MACROD2: variants seen among roughly 807,000 people sequenced by gnomAD.
MACROD2 encodes ADP-ribose glycohydrolase MACROD2.
In MACROD2, 36 loss-of-function variants were observed where a neutral mutation model predicts 70.4. The ratio of observed to expected loss-of-function variants is 0.51; its 90% CI spans 0.39 to 0.68. MACROD2 has a LOEUF of 0.68. Among genes scored for constraint, MACROD2 ranks in the 30% least tolerant of loss-of-function variants. The probability of loss-of-function intolerance (pLI) is 0.00; values close to 1 mark genes in which losing one functional copy is unlikely to be tolerated. For synonymous variants in MACROD2, 172 were observed against 178.8 expected, an observed-to-expected ratio of 0.96 and a Z score of 0.30; for missense variants, 496 against 538.4, an observed-to-expected ratio of 0.92 and a Z score of 0.78.
At chr20:15,202,595 G>A (rs2076666153) in intron 5 of MACROD2, among the ~76,000 whole-genome samples, 1 of 152,078 alleles carries the variant, frequency 6.6e-6, no homozygotes, top group Non-Finnish European at 1.5e-5. Context: ...CATTAACCCA[G>A]GAAGAAGCAG....
At chr20:14,614,357 C>T (rs1308246833) in intron 4 of MACROD2, among the ~76,000 whole-genome samples, 2 of 152,090 alleles carry the variant, frequency 1.3e-5, no homozygotes, top group African/African-American at 4.8e-5. Context: ...GTTGGTGACA[C>T]ATTAGAATCA....
chr20:14,819,487 C>T (rs953442364), intron 5 of MACROD2, among the ~76,000 whole-genome samples: 2 of 151,878 alleles, frequency 1.3e-5, no homozygotes, highest in African/African-American at 4.8e-5. Flanking sequence ...CTTAGCTAGG[C>T]AATGTGAGTA....
intron 4 of MACROD2, among the ~76,000 whole-genome samples, chr20:14,672,505 G>A (rs1211273221): frequency 6.6e-6 from 1 of 152,192 alleles, no homozygotes; most frequent in Non-Finnish European, 1.5e-5. Flanking sequence ...AGGAGCTGCA[G>A]AGTCATATGG....
intron 6 of MACROD2, among the ~76,000 whole-genome samples, chr20:15,365,454 T>C (rs1600299505): frequency 6.6e-6 from 1 of 152,040 alleles, no homozygotes; most frequent in East Asian, 1.9e-4. Flanking sequence ...TCACGAGGTC[T>C]GGAGATTGAG....
chr20:14,997,238 C>G (rs2074957595), intron 5 of MACROD2, among the ~76,000 whole-genome samples: 1 of 152,126 alleles, frequency 6.6e-6, no homozygotes, highest in South Asian at 2.1e-4. Context: ...AATAAAGCAC[C>G]AGGCAGAGTC....
intron 6 of MACROD2, among the ~76,000 whole-genome samples, chr20:15,414,253 G>T (rs769235893): frequency 2.0e-5 from 3 of 152,094 alleles, no homozygotes; most frequent in African/African-American, 7.2e-5. Context: ...TAAAACTCTT[G>T]CTACTCAGAC....
chr20:14,132,057 G>T (rs1313492374), intron 3 of MACROD2, among the ~76,000 whole-genome samples: 1 of 151,130 alleles, frequency 6.6e-6, no homozygotes, highest in East Asian at 1.9e-4. Flanking sequence ...TGTGAACCCG[G>T]GAGGCGGAGC....
At chr20:15,740,329 G>T (rs2051085426) in intron 8 of MACROD2, among the ~76,000 whole-genome samples, 1 of 152,132 alleles carries the variant, frequency 6.6e-6, no homozygotes, top group Admixed American at 6.5e-5. Flanking sequence ...GGCAGTCTTT[G>T]TAACAGCCTA....
At chr20:15,702,652 T>A (rs2050476847) in intron 8 of MACROD2, among the ~76,000 whole-genome samples, 1 of 152,262 alleles carries the variant, frequency 6.6e-6, no homozygotes, top group South Asian at 2.1e-4. Flanking sequence ...TCTTTTACTG[T>A]CAAGAGGCTT....
chr20:14,338,390 G>A (rs892511851), intron 3 of MACROD2, among the ~76,000 whole-genome samples: 3 of 152,104 alleles, frequency 2.0e-5, no homozygotes, highest in Non-Finnish European at 2.9e-5. Context: ...ATATATACAC[G>A]TGTCACTGAT....
At chr20:15,309,978 G>C (rs2077735402) in intron 6 of MACROD2, among the ~76,000 whole-genome samples, 1 of 152,194 alleles carries the variant, frequency 6.6e-6, no homozygotes, top group African/African-American at 2.4e-5. Flanking sequence ...AAGCAGTAAG[G>C]ATAGTTAGGT....
chr20:15,044,424 C>A (rs2123034973), intron 5 of MACROD2, among the ~76,000 whole-genome samples: 1 of 152,262 alleles, frequency 6.6e-6, no homozygotes, highest in East Asian at 1.9e-4. Context: ...TCTCCCTTAA[C>A]ACACTCCTTC....
chr20:15,152,761 A>G (rs1256265312), intron 5 of MACROD2, among the ~76,000 whole-genome samples: 4 of 152,066 alleles, frequency 2.6e-5, no homozygotes, highest in Non-Finnish European at 5.9e-5. Context: ...ACCTGGGTGA[A>G]TAATCAGAGA....
At chr20:15,644,816 A>G (rs1302211347) in intron 8 of MACROD2, among the ~76,000 whole-genome samples, 1 of 152,098 alleles carries the variant, frequency 6.6e-6, no homozygotes, top group Non-Finnish European at 1.5e-5. Flanking sequence ...CAGCCTCCCA[A>G]GTAGCTGGGA....
chr20:15,858,913 G>A (rs768931914), intron 8 of MACROD2, among the ~76,000 whole-genome samples: 8 of 152,144 alleles, frequency 5.3e-5, no homozygotes, highest in Admixed American at 2.0e-4. Context: ...CAATGTGAGG[G>A]TGAGTGGTGA....
At chr20:14,829,223 G>A (rs2072936646) in intron 5 of MACROD2, among the ~76,000 whole-genome samples, 1 of 146,786 alleles carries the variant, frequency 6.8e-6, no homozygotes, top group African/African-American at 2.5e-5. Flanking sequence ...TTCGCCTCCC[G>A]GGTTCATGCC....
chr20:15,553,811 G>C (rs925076807), intron 8 of MACROD2, among the ~76,000 whole-genome samples: 1 of 152,182 alleles, frequency 6.6e-6, no homozygotes, highest in African/African-American at 2.4e-5. Context: ...TGCAAAAAAA[G>C]ATCAATGTCC....
At chr20:15,813,306 A>G (rs1476286108) in intron 8 of MACROD2, among the ~76,000 whole-genome samples, 1 of 152,226 alleles carries the variant, frequency 6.6e-6, no homozygotes, top group Non-Finnish European at 1.5e-5. Context: ...CTTTTCTAAA[A>G]TGATGAATGC....
intron 1 of MACROD2, among the ~76,000 whole-genome samples, chr20:13,999,626 A>T (rs1238736411): frequency 6.6e-6 from 1 of 152,184 alleles, no homozygotes; most frequent in African/African-American, 2.4e-5. Context: ...TAGGTAAGTT[A>T]TTTGACGTTG....
Sources: gnomAD v4.1 joint callset for allele counts (sites outside exome capture counted in the v4.1 genomes callset) on GRCh38, gnomAD v4.1.1 for gene constraint, MANE v1.5 for transcripts, NCBI Gene and HGNC (gene_info 2026-07-23, HGNC 2026-07-21) for gene names.